PPP3R1: variants seen among roughly 807,000 people sequenced by gnomAD.
PPP3R1 encodes protein phosphatase 3 regulatory subunit B, alpha.
A neutral mutation model predicts 22.6 loss-of-function variants in PPP3R1; 5 were observed. That is an observed-to-expected ratio of 0.22 (90% CI 0.12 to 0.46). PPP3R1 has a LOEUF of 0.46. PPP3R1 is among the 20% of genes least tolerant of loss of function. PPP3R1 has a pLI of 0.99. For synonymous variants in PPP3R1, 56 were observed against 65.2 expected, an observed-to-expected ratio of 0.86 and a Z score of 0.68; for missense variants, 61 against 203.2, an observed-to-expected ratio of 0.30 and a Z score of 4.25.
chr2:68,230,020 T>C (rs1204259555), intron 1 of PPP3R1, among the ~76,000 whole-genome samples: 3 of 116,062 alleles, frequency 2.6e-5, no homozygotes. Flanking sequence ...ACATATATAT[T>C]TGGAGACAGG....
At chr2:68,202,056 T>G (rs1674988573) in intron 2 of PPP3R1, among the ~76,000 whole-genome samples, 1 of 151,740 alleles carries the variant, frequency 6.6e-6, no homozygotes, top group Non-Finnish European at 1.5e-5. Context: ...TTATTTCCCC[T>G]TCTATGTTAT....
intron 2 of PPP3R1, among the ~76,000 whole-genome samples, chr2:68,198,059 T>C (rs1440906520): frequency 1.8e-5 from 1 of 54,964 alleles, no homozygotes; most frequent in African/African-American, 9.7e-5. Context: ...ACGGCACCTT[T>C]GGCAAAAAAA....
At chr2:68,249,762 A>G (rs1418981119) in intron 1 of PPP3R1, among the ~76,000 whole-genome samples, 1 of 152,196 alleles carries the variant, frequency 6.6e-6, no homozygotes, top group Non-Finnish European at 1.5e-5. Context: ...TAAGGCACCA[A>G]CTAAAATTAA....
At position 68,252,152 on chromosome 2, in the gene PPP3R1, C is replaced by A. The variant is rs780251078; in HGVS notation, c.-25G>T. On this transcript the variant is annotated 5_prime_UTR_variant, in exon 1 of 6. Transcript: ENST00000234310. ...TTTTGCTCGGCGGGTCGGCGGCTCG[C>A]TGGCTCGCTGGCTCGGAGAAGTGTT... is the stretch of plus-strand genomic sequence containing the variant. The A allele has an allele frequency of 7.2e-7, 1 of 1,388,564 alleles. No individual in the cohort carries two copies. Among genetic ancestry groups the A allele is most frequent in the Non-Finnish European group, 9.6e-7 (1 of 1,040,394 alleles). 86.0% of individuals were successfully genotyped at this position (1,388,564 alleles called of 1,614,324 possible). A position where few individuals can be genotyped will look rare whatever the true frequency, so the allele number is the denominator to read the frequency against.
At chr2:68,242,603 A>G (rs1670157234) in intron 1 of PPP3R1, among the ~76,000 whole-genome samples, 1 of 152,200 alleles carries the variant, frequency 6.6e-6, no homozygotes, top group African/African-American at 2.4e-5. Context: ...ATGAAATTCT[A>G]TTTGTTAGGG....
At chr2:68,229,503 A>G (rs763349972) in intron 1 of PPP3R1, among the ~76,000 whole-genome samples, 5 of 152,158 alleles carry the variant, frequency 3.3e-5, no homozygotes, top group African/African-American at 7.2e-5. Flanking sequence ...GACGTCTCCA[A>G]TTATAATTTT....
chr2:68,239,143 GATAA>G (rs1185277839), intron 1 of PPP3R1, among the ~76,000 whole-genome samples: 2 of 152,226 alleles, frequency 1.3e-5, no homozygotes, highest in Admixed American at 6.5e-5. Context: ...TTCCAACACA[GATAA>G]ATAGCCAATA....
chr2:68,226,592 A>G (rs1009383111), intron 1 of PPP3R1, among the ~76,000 whole-genome samples: 7 of 152,174 alleles, frequency 4.6e-5, no homozygotes, highest in Non-Finnish European at 7.4e-5. Flanking sequence ...ACCAAAAACT[A>G]TTTACACTTA....
At chr2:68,203,226 T>C in intron 2 of PPP3R1, among the ~76,000 whole-genome samples, 1 of 152,182 alleles carries the variant, frequency 6.6e-6, no homozygotes, top group East Asian at 1.9e-4. Flanking sequence ...AACTGTATAA[T>C]AAATTTATGA....
rs1051882717 is a variant in PPP3R1, at chr2:68,179,762, T to A, written c.*1201A>T. 1.5e-4 allele frequency: 23 copies of A among 152,224 alleles called. No individual in the cohort carries two copies. The highest frequency in any genetic ancestry group is 5.3e-4 in the African/African-American group (22 of 41,456). 9.4% of individuals were successfully genotyped at this position (152,224 alleles called of 1,614,324 possible). The stretch of plus-strand genomic sequence containing the variant: ...ATCAAGAAAAAAAAACCAGTATGCA[T>A]GCTCTATCCCTCGTGGTAAAGAAAT... On this transcript the variant is annotated 3_prime_UTR_variant, in exon 6 of 6. Transcript: ENST00000234310.
At chr2:68,206,939 G>A (rs937947377) in intron 2 of PPP3R1, among the ~76,000 whole-genome samples, 1 of 152,108 alleles carries the variant, frequency 6.6e-6, no homozygotes, top group African/African-American at 2.4e-5. Flanking sequence ...GAGAACACTG[G>A]CTTGAGCTAG....
At chr2:68,218,584 C>T (rs1276561177) in intron 1 of PPP3R1, among the ~76,000 whole-genome samples, 3 of 151,634 alleles carry the variant, frequency 2.0e-5, no homozygotes, top group African/African-American at 7.3e-5. Flanking sequence ...CTTATCTTCA[C>T]TGCCTTACAT....
At chr2:68,204,337 T>TATATATATTCTG (rs1553405713) in intron 2 of PPP3R1, among the ~76,000 whole-genome samples, 4 of 39,624 alleles carry the variant, frequency 1.0e-4, no homozygotes, top group African/African-American at 5.6e-4. Context: ...ACACACACAC[T>TATATATATTCTG]ATATATATAT....
intron 1 of PPP3R1, among the ~76,000 whole-genome samples, chr2:68,234,136 G>A (rs1351319728): frequency 1.3e-5 from 2 of 152,146 alleles, no homozygotes; most frequent in African/African-American, 4.8e-5. Context: ...GAGGTCAGGA[G>A]ATCAAGACCA....
intron 2 of PPP3R1, among the ~76,000 whole-genome samples, chr2:68,207,114 C>A (rs199994836): frequency 1.5e-3 from 204 of 134,562 alleles, no homozygotes; most frequent in Middle Eastern, 3.8e-3. Flanking sequence ...AAAAAAAAAG[C>A]AAAAAAAAAA....
intron 2 of PPP3R1, among the ~76,000 whole-genome samples, chr2:68,193,104 CATT>C (rs1674699475): frequency 6.6e-6 from 1 of 152,144 alleles, no homozygotes. Context: ...TCTTGTGAAA[CATT>C]ATAAAGTAGT....
intron 1 of PPP3R1, among the ~76,000 whole-genome samples, chr2:68,234,899 C>T (rs1309584954): frequency 1.3e-5 from 2 of 152,020 alleles, no homozygotes; most frequent in Non-Finnish European, 2.9e-5. Flanking sequence ...TGATAAGATA[C>T]CATATTGACT....
chr2:68,250,798 T>A (rs903448042), intron 1 of PPP3R1, among the ~76,000 whole-genome samples: 2 of 151,718 alleles, frequency 1.3e-5, no homozygotes, highest in African/African-American at 4.8e-5. Flanking sequence ...TGCCCTATAT[T>A]TTAAATAAAA....
At chr2:68,219,515 G>A (rs1669645482) in intron 1 of PPP3R1, among the ~76,000 whole-genome samples, 1 of 152,118 alleles carries the variant, frequency 6.6e-6, no homozygotes, top group African/African-American at 2.4e-5. Flanking sequence ...GGTTTGGTGT[G>A]TGGGCTATAG....
Sources: allele counts gnomAD v4.1 joint callset (sites outside exome capture counted in the v4.1 genomes callset), GRCh38; gene constraint gnomAD v4.1.1; transcripts MANE v1.5; gene names NCBI Gene and HGNC (gene_info 2026-07-23, HGNC 2026-07-21).